The following NXPE2 variants were observed in gnomAD, a reference collection of about 807,000 sequenced individuals.
NXPE2 encodes NXPE family member 2.
In NXPE2, 34 loss-of-function variants were observed where a neutral mutation model predicts 34.4. The ratio of observed to expected loss-of-function variants is 0.99; its 90% confidence interval spans 0.75 to 1.31. The LOEUF (loss-of-function observed/expected upper bound fraction) is 1.31, where lower values mean the gene tolerates loss of function less well. Ranked by LOEUF, NXPE2 falls within the 40% of genes most tolerant of loss-of-function variation. The pLI is 0.00. For synonymous variants in NXPE2, 235 were observed against 231.3 expected (o/e 1.02, Z -0.15); for missense variants, 649 against 672.5 (o/e 0.97, Z 0.39).
chr11:114,538,291 A>T, the NXPE2 span, among the ~76,000 whole-genome samples: 8 of 152,236 alleles, frequency 5.3e-5, no homozygotes, highest in Non-Finnish European at 7.3e-5. Flanking sequence ...AGATGGATTA[A>T]AGACTTACAT....
At chr11:114,473,377 T>C in the NXPE2 span, among the ~76,000 whole-genome samples, 9 of 152,320 alleles carry the variant, frequency 5.9e-5, no homozygotes, top group African/African-American at 2.2e-4. Flanking sequence ...GAATAAAAAC[T>C]ACATGTAGTT....
the NXPE2 span, among the ~76,000 whole-genome samples, chr11:114,538,985 G>A: frequency 8.1e-5 from 12 of 148,892 alleles, no homozygotes; most frequent in Admixed American, 6.8e-5. Context: ...ACATGCACAC[G>A]TGTGTTTATT....
At chr11:114,477,074 G>A in the NXPE2 span, among the ~76,000 whole-genome samples, 1 of 152,136 alleles carries the variant, frequency 6.6e-6, no homozygotes, top group Non-Finnish European at 1.5e-5. Context: ...CCTTCCACAG[G>A]TGATTAGATA....
chr11:114,693,088 C>T lies in NXPE2; in HGVS notation c.133-4957C>T, dbSNP rs186745906. Among the ~76,000 whole-genome samples, 30 of 152,228 alleles carry T rather than the reference C, an allele frequency of 2.0e-4. 1 individual carries two copies. In the East Asian group the frequency reaches 3.9e-3, roughly 20 times the overall value. Reference sequence around the variant, plus strand: ...GAAGTTTAAAGACCTCATTATATACCGAATCTTATCCAAACTATTTTCTTC... The same window carrying T: ...GAAGTTTAAAGACCTCATTATATACTGAATCTTATCCAAACTATTTTCTTC... On this transcript the variant is annotated intron_variant, in intron 2 of 5. Coordinates refer to ENST00000389586, the MANE Select transcript of NXPE2 (RefSeq NM_182495.6).
the NXPE2 span, among the ~76,000 whole-genome samples, chr11:114,534,296 A>G: frequency 6.6e-6 from 1 of 152,196 alleles, no homozygotes; most frequent in Non-Finnish European, 1.5e-5. Flanking sequence ...CATAACCATC[A>G]TCAAAGACCA....
the NXPE2 span, among the ~76,000 whole-genome samples, chr11:114,636,908 G>T: frequency 6.6e-6 from 1 of 152,112 alleles, no homozygotes; most frequent in Non-Finnish European, 1.5e-5. Flanking sequence ...TGGAATAGGT[G>T]TGGTGTGTTG....
At chr11:114,733,161 A>G in the NXPE2 span, among the ~76,000 whole-genome samples, 6 of 152,100 alleles carry the variant, frequency 3.9e-5, no homozygotes, top group African/African-American at 1.4e-4. Context: ...CAGTGGCGCA[A>G]TCTCGGCTTA....
the NXPE2 span, among the ~76,000 whole-genome samples, chr11:114,600,793 C>T: frequency 1.3e-5 from 2 of 151,986 alleles, no homozygotes; most frequent in African/African-American, 2.4e-5. Flanking sequence ...GATTATTATG[C>T]AAGATGTTAT....
the NXPE2 span, chr11:114,528,010 G>A: frequency 5.8e-6 from 4 of 693,890 alleles, no homozygotes; most frequent in African/African-American, 7.2e-5. Context: ...ATAACTGGAA[G>A]CTGTTATTAT....
the NXPE2 span, among the ~76,000 whole-genome samples, chr11:114,490,898 C>T: frequency 6.6e-6 from 1 of 151,432 alleles, no homozygotes; most frequent in African/African-American, 2.4e-5. Context: ...CGCGGTGGCT[C>T]ACGCCTGTAA....
At chr11:114,770,375 G>T in the NXPE2 span, among the ~76,000 whole-genome samples, 2 of 152,206 alleles carry the variant, frequency 1.3e-5, no homozygotes, top group African/African-American at 2.4e-5. Context: ...CAGTATGTGT[G>T]TGGCTATGTG....
the NXPE2 span, among the ~76,000 whole-genome samples, chr11:114,783,205 A>G: frequency 6.6e-6 from 1 of 152,180 alleles, no homozygotes; most frequent in African/African-American, 2.4e-5. Flanking sequence ...AGCTGCTACC[A>G]CAGTTCTGTT....
At chr11:114,810,343 G>A in the NXPE2 span, among the ~76,000 whole-genome samples, 1 of 144,980 alleles carries the variant, frequency 6.9e-6, no homozygotes, top group Non-Finnish European at 1.5e-5. Flanking sequence ...TGACAAATGA[G>A]ATCTAATTAA....
At chr11:114,668,832 G>A in the NXPE2 span, among the ~76,000 whole-genome samples, 1 of 152,100 alleles carries the variant, frequency 6.6e-6, no homozygotes, top group South Asian at 2.1e-4. Context: ...GAAATAACTG[G>A]ACAAAATCAT....
At chr11:114,750,260 T>C in the NXPE2 span, among the ~76,000 whole-genome samples, 4 of 152,226 alleles carry the variant, frequency 2.6e-5, no homozygotes, top group Non-Finnish European at 4.4e-5. Flanking sequence ...ATATCTGGTA[T>C]GTTTCTTTCC....
At chr11:114,804,429 GC>G in the NXPE2 span, among the ~76,000 whole-genome samples, 1 of 152,236 alleles carries the variant, frequency 6.6e-6, no homozygotes, top group African/African-American at 2.4e-5. Context: ...CTACCAAGAG[GC>G]TGAAGAGGAC....
At position 114,706,928 on chromosome 11, in the gene NXPE2, T is replaced by C. The variant is rs1477254214; in HGVS notation, c.1678T>C (p.Ter560GlnextTer14). ...TGGCATGTTCTTAAACTACATTTGT[T>C]AGAGGAAAAATACAAAAATAGCACT... ...QIGMFLNYIC* is the reference protein window; with the variant it reads ...QIGMFLNYICQ Residue 560 changes from the stop codon to glutamine, a stop_lost, in exon 6 of 6, where the codon TAG becomes CAG. Coordinates refer to ENST00000389586, the MANE Select transcript of NXPE2 (RefSeq NM_182495.6). The C allele has an allele frequency of 1.3e-6, 2 of 1,539,552 alleles. No individual in the cohort carries two copies. The highest frequency in any genetic ancestry group is 1.8e-6 in the Non-Finnish European group (2 of 1,139,136).
At chr11:114,520,917 T>C in the NXPE2 span, among the ~76,000 whole-genome samples, 1 of 152,226 alleles carries the variant, frequency 6.6e-6, no homozygotes, top group African/African-American at 2.4e-5. Flanking sequence ...GTTACAAAGC[T>C]TTAAAATTAA....
the NXPE2 span, among the ~76,000 whole-genome samples, chr11:114,494,674 G>A: frequency 2.6e-5 from 4 of 152,098 alleles, no homozygotes; most frequent in Non-Finnish European, 5.9e-5. Flanking sequence ...GAAAGGTCGC[G>A]TATCTCTTCC....
Sources: gnomAD v4.1 joint callset for allele counts (sites outside exome capture counted in the v4.1 genomes callset) on GRCh38, gnomAD v4.1.1 for gene constraint, MANE v1.5 for transcripts, NCBI Gene and HGNC (gene_info 2026-07-23, HGNC 2026-07-21) for gene names.